Variants in APAF1 observed in about 807,000 individuals in gnomAD.
The protein encoded by APAF1 is apoptotic peptidase activating factor 1.
APAF1 carries 91 observed loss-of-function variants against 152.4 expected under a neutral mutation model. That is an observed-to-expected ratio of 0.60 (90% confidence interval 0.50 to 0.71). APAF1 has a LOEUF of 0.71. APAF1 is among the 30% of genes least tolerant of loss of function. The pLI, the probability that APAF1 is intolerant of heterozygous loss-of-function variation, is 0.00. For synonymous variants in APAF1, 484 were observed against 494.1 expected (o/e 0.98, Z 0.27); for missense variants, 1,283 against 1,472.0 (o/e 0.87, Z 2.10).
Position 98,654,315 on chromosome 12 carries a change from C to T in APAF1, c.526+4631C>T, listed in dbSNP as rs113248677. Among the ~76,000 whole-genome samples, 112 of 152,038 alleles carry T rather than the reference C, an allele frequency of 7.4e-4. 1 individual carries two copies. Among genetic ancestry groups the T allele is most frequent in the African/African-American group, 2.5e-3 (105 of 41,448 alleles). On this transcript the variant is annotated intron_variant, in intron 4 of 26. Coordinates refer to ENST00000551964, the MANE Select transcript of APAF1 (RefSeq NM_181861.2). ...ACATTTAGGGAAAAAGGCCTTTGACCCTAGGTAATAGGTACATAAATTAAA... is the reference window on the plus strand; with the variant it reads ...ACATTTAGGGAAAAAGGCCTTTGACTCTAGGTAATAGGTACATAAATTAAA...
intron 16 of APAF1, among the ~76,000 whole-genome samples, chr12:98,688,512 C>T (rs530394889): frequency 1.4e-5 from 2 of 141,096 alleles, no homozygotes; most frequent in South Asian, 4.5e-4. Flanking sequence ...CACTCTTTCA[C>T]TCAGGCTGGA....
At chr12:98,675,507 T>C (rs1399793942) in intron 12 of APAF1, among the ~76,000 whole-genome samples, 1 of 152,200 alleles carries the variant, frequency 6.6e-6, no homozygotes, top group African/African-American at 2.4e-5. Flanking sequence ...GGATTGAAAA[T>C]ATTAGAAAAG....
chr12:98,655,847 G>A (rs1397251292), intron 4 of APAF1, among the ~76,000 whole-genome samples: 2 of 151,588 alleles, frequency 1.3e-5, no homozygotes, highest in East Asian at 2.0e-4. Context: ...GCAGTGGCGC[G>A]GTCTCGGCTC....
At chr12:98,665,482 T>G in intron 7 of APAF1, 71 bp from the exon 8 acceptor site, 1 of 1,026,770 alleles carries the variant, frequency 9.7e-7, no homozygotes, top group Non-Finnish European at 1.5e-6. Flanking sequence ...GTAATGTAAG[T>G]AAGTAAGTCG....
chr12:98,727,723 CTGAGGTCAGGAGTT>C (rs776444753), intron 26 of APAF1, among the ~76,000 whole-genome samples: 1 of 151,922 alleles, frequency 6.6e-6, no homozygotes, highest in Non-Finnish European at 1.5e-5. Flanking sequence ...GGCGGATCAC[CTGAGGTCAGGAGTT>C]TGAGACCAGC....
Position 98,714,863 on chromosome 12 carries a change from G to A in APAF1, c.2959-564G>A, listed in dbSNP as rs529801350. Among the ~76,000 whole-genome samples, 19 of 140,606 alleles carry A rather than the reference G, an allele frequency of 1.4e-4. No homozygotes were observed. In the South Asian group the frequency reaches 4.0e-3, roughly 30 times the overall value. The allele number at this position is 140,606 out of a possible 152,430, so 92.2% of individuals were successfully genotyped here. ...TTTTTCTTTTTTTTTTTTTGACATA[G>A]TCATTATCTTTTGAATTTGTTACTA... On this transcript the variant is annotated intron_variant, in intron 21 of 26. Coordinates refer to ENST00000551964, the MANE Select transcript of APAF1 (RefSeq NM_181861.2).
intron 4 of APAF1, 150 bp from the exon 5 acceptor site, chr12:98,659,010 T>G: frequency 1.4e-6 from 1 of 732,192 alleles, no homozygotes; most frequent in Non-Finnish European, 2.3e-6. Context: ...CCTACCAGTA[T>G]CTTGCACGTA....
chr12:98,728,344 C>T (rs149631310), intron 26 of APAF1, among the ~76,000 whole-genome samples: 16 of 152,332 alleles, frequency 1.1e-4, no homozygotes, highest in African/African-American at 3.8e-4. Flanking sequence ...ATCTTACTAG[C>T]CAGCTTTTTG....
chr12:98,668,174 ATTGTT>A (rs2097675810), intron 10 of APAF1, among the ~76,000 whole-genome samples: 1 of 152,060 alleles, frequency 6.6e-6, no homozygotes, highest in African/African-American at 2.4e-5. Context: ...ATAAACATGT[ATTGTT>A]TTATTAGTAT....
In APAF1 at chr12:98,712,396, T is replaced by G; in HGVS notation, c.2919T>G (p.Leu973=). The G allele has an allele frequency of 6.2e-7, 1 of 1,611,976 alleles. No individual in the cohort carries two copies. The highest frequency in any genetic ancestry group is 2.2e-5 in the East Asian group (1 of 44,864). The part of the protein sequence containing the change: ...QVSCCCLSPH[L]QYIAFGDENG... ...GCTGCTGTTGCTTAAGTCCACATCT[T>G]CAGTACATTGCATTTGGAGATGAAA... The change falls in exon 21 of 27, where the codon CTT becomes CTG. Residue 973 remains leucine (L), a synonymous_variant. Coordinates refer to ENST00000551964, the MANE Select transcript of APAF1 (RefSeq NM_181861.2).
chr12:98,663,012 C>T (rs957002858), intron 7 of APAF1, among the ~76,000 whole-genome samples: 1 of 152,126 alleles, frequency 6.6e-6, no homozygotes, highest in African/African-American at 2.4e-5. Flanking sequence ...TTACCATCTA[C>T]CCACAGTGTG....
At chr12:98,713,035 C>T (rs942457415) in intron 21 of APAF1, among the ~76,000 whole-genome samples, 18 of 152,154 alleles carry the variant, frequency 1.2e-4, no homozygotes, top group African/African-American at 4.1e-4. Flanking sequence ...CCCAGGCTGG[C>T]CTTAAACTCT....
intron 3 of APAF1, 37 bp downstream of exon 3, chr12:98,648,852 A>G (rs2097645548): frequency 1.3e-6 from 2 of 1,594,842 alleles, no homozygotes; most frequent in Non-Finnish European, 1.7e-6. Context: ...CTTTGCTATC[A>G]AAATTGCTTT....
At position 98,703,527 on chromosome 12, in the gene APAF1, C is replaced by A. The variant is rs1422482115; in HGVS notation, c.2595+28C>A. 2.5e-6 allele frequency: 4 copies of A among 1,613,642 alleles called. No homozygotes were observed. In the Admixed American group the frequency reaches 5.0e-5, roughly 20 times the overall value. On this transcript the variant is annotated intron_variant, in intron 18 of 26. Coordinates refer to ENST00000551964, the MANE Select transcript of APAF1 (RefSeq NM_181861.2). The stretch of plus-strand genomic sequence containing the variant: ...GAGTAGTTGAATTTATTCTGTGAAG[C>A]CTGGGTTTCCAGAGATCAAAGGATG...
Position 98,663,331 on chromosome 12 carries a change from A to G in APAF1, c.955+525A>G, listed in dbSNP as rs143578655. Among the ~76,000 whole-genome samples the G allele has an allele frequency of 2.4e-3, 362 of 152,304 alleles. 2 individuals are homozygous for G. The highest frequency in any genetic ancestry group is 8.3e-3 in the African/African-American group (344 of 41,592). On this transcript the variant is annotated intron_variant, in intron 7 of 26. Coordinates refer to ENST00000551964, the MANE Select transcript of APAF1 (RefSeq NM_181861.2). ...TCTAAATACTCAAAAAATAGAAACTATTAGCTCTTTGTCATATTTTTACAA... is the reference window on the plus strand; with the variant it reads ...TCTAAATACTCAAAAAATAGAAACTGTTAGCTCTTTGTCATATTTTTACAA...
In APAF1 at chr12:98,718,939, T is replaced by C. The variant is rs181107186; in HGVS notation, c.3084+3387T>C. ...ACAGAGCAAGTCCCCATCTCAAATA[T>C]ATAATGGCCTTGTTCTTAGGAGATC... is the stretch of plus-strand genomic sequence containing the variant. On this transcript the variant is annotated intron_variant, in intron 22 of 26. Coordinates refer to ENST00000551964, the MANE Select transcript of APAF1 (RefSeq NM_181861.2). Among the ~76,000 whole-genome samples the C allele has an allele frequency of 4.3e-3, 647 of 152,174 alleles. 3 individuals are homozygous for C. Among genetic ancestry groups the C allele is most frequent in the Admixed American group, 5.6e-3 (85 of 15,288 alleles).
At chr12:98,725,855 G>C (rs1565896087) in intron 25 of APAF1, among the ~76,000 whole-genome samples, 1 of 152,192 alleles carries the variant, frequency 6.6e-6, no homozygotes, top group Non-Finnish European at 1.5e-5. Context: ...AAGGTTTTTG[G>C]TAGCAGAATT....
Position 98,671,101 on chromosome 12 carries a change from A to G in APAF1, c.1608+15A>G, listed in dbSNP as rs969759539. On this transcript the variant is annotated intron_variant, in intron 11 of 26. Transcript: ENST00000551964. ...TAGATGAAAAGGTATATATATTAAC[A>G]TGAAAAATTAGTGCTAAAAAGGAAT... 15 of 1,456,246 alleles carry G rather than the reference A, an allele frequency of 1.0e-5. No individual in the cohort carries two copies. The highest frequency in any genetic ancestry group is 1.4e-5 in the Non-Finnish European group (15 of 1,040,276). The allele number at this position is 1,456,246 out of a possible 1,614,324, so 90.2% of individuals were successfully genotyped here.
At chr12:98,723,443 C>G in intron 23 of APAF1, 131 bp downstream of exon 23, 3 of 1,099,836 alleles carry the variant, frequency 2.7e-6, no homozygotes, top group Middle Eastern at 3.0e-4. Context: ...TGCTTGTTTT[C>G]TGTTAATTGC....
Sources: allele counts gnomAD v4.1 joint callset (sites outside exome capture counted in the v4.1 genomes callset), GRCh38; gene constraint gnomAD v4.1.1; transcripts MANE v1.5; gene names NCBI Gene and HGNC (gene_info 2026-07-23, HGNC 2026-07-21).